Variants in EXD2 observed in about 807,000 individuals in gnomAD.
The protein encoded by EXD2 is exonuclease 3'-5' domain containing 2.
A neutral mutation model predicts 62.5 loss-of-function variants in EXD2; 40 were observed. The ratio of observed to expected loss-of-function variants is 0.64; its 90% confidence interval spans 0.50 to 0.83. The LOEUF is 0.83. EXD2 is among the 40% of genes least tolerant of loss of function. The pLI is 0.00. For missense variants in EXD2, 671 were observed against 761.8 expected, an observed-to-expected ratio of 0.88 and a Z score of 1.40; for synonymous variants, 239 against 291.9, an observed-to-expected ratio of 0.82 and a Z score of 1.85.
chr14:69,192,509 T>A (rs34007233), intron 1 of EXD2, among the ~76,000 whole-genome samples: 4,227 of 152,210 alleles, frequency 0.028, 68 homozygotes, highest in Non-Finnish European at 0.039. Flanking sequence ...AACACAGATC[T>A]TTCTTAGCTT....
intron 8 of EXD2, 94 bp from the exon 9 acceptor site, chr14:69,237,481 G>A: frequency 1.8e-6 from 2 of 1,138,694 alleles, no homozygotes; most frequent in South Asian, 2.6e-5. Flanking sequence ...GTCATGGTTA[G>A]GCCCCAGTTA....
At chr14:69,194,564 C>T (rs1185261046) in intron 1 of EXD2, among the ~76,000 whole-genome samples, 1 of 151,986 alleles carries the variant, frequency 6.6e-6, no homozygotes, top group Non-Finnish European at 1.5e-5. Flanking sequence ...TCAGGCTGGT[C>T]TCAAACTCCT....
chr14:69,240,266 G>C (rs2043937048), intron 9 of EXD2, among the ~76,000 whole-genome samples: 1 of 152,082 alleles, frequency 6.6e-6, no homozygotes, highest in Admixed American at 6.5e-5. Flanking sequence ...TAAGGACTCT[G>C]CTTAGTTAGG....
intron 3 of EXD2, 64 bp downstream of exon 3, chr14:69,209,867 C>T: frequency 1.6e-6 from 2 of 1,280,370 alleles, no homozygotes; most frequent in South Asian, 1.7e-5. Context: ...CCAACTGGGA[C>T]CTTGGACAGT....
At chr14:69,231,004 C>T (rs1479272819) in intron 5 of EXD2, among the ~76,000 whole-genome samples, 2 of 152,128 alleles carry the variant, frequency 1.3e-5, no homozygotes, top group African/African-American at 4.8e-5. Flanking sequence ...AGGCTGGTCT[C>T]GAACTTCTGA....
intron 3 of EXD2, among the ~76,000 whole-genome samples, chr14:69,212,699 A>ATT (rs71102635): frequency 1.4e-4 from 8 of 57,322 alleles, no homozygotes; most frequent in Non-Finnish European, 1.8e-4. Flanking sequence ...ATGGTTCTTG[A>ATT]TTTTTTTTTT....
Position 69,237,563 on chromosome 14 carries a change from G to T in EXD2, c.1293-12G>T. ...ACTTATGAGCGCTGCTTTCCGGCTGGGCTTGTTCCAGGAAGAACGTGATTC... is the reference window on the plus strand; with the variant it reads ...ACTTATGAGCGCTGCTTTCCGGCTGTGCTTGTTCCAGGAAGAACGTGATTC... On this transcript the variant is annotated splice_polypyrimidine_tract_variant and intron_variant, in intron 8 of 9. Transcript: ENST00000685843. 6.2e-7 allele frequency: 1 copy of T among 1,613,482 alleles called. No individual in the cohort carries two copies. Among genetic ancestry groups the T allele is most frequent in the Non-Finnish European group, 8.5e-7 (1 of 1,179,434 alleles).
intron 8 of EXD2, among the ~76,000 whole-genome samples, chr14:69,237,035 G>A (rs141567392): frequency 6.6e-6 from 1 of 152,336 alleles, no homozygotes; most frequent in African/African-American, 2.4e-5. Flanking sequence ...GGCTTCTGTG[G>A]AGTCACTCAC....
chr14:69,208,091 G>T (rs2042670592), intron 2 of EXD2, among the ~76,000 whole-genome samples: 2 of 151,392 alleles, frequency 1.3e-5, no homozygotes, highest in South Asian at 2.1e-4. Context: ...TAGAGATGGG[G>T]TTTCACCATG....
In EXD2 at chr14:69,241,129, T is replaced by A. The variant is rs1391142847; in HGVS notation, c.*29T>A. On this transcript the variant is annotated 3_prime_UTR_variant, in exon 10 of 10. Transcript: ENST00000685843. ...CTGCTTTCCTCCCAGTTAGGACAAG[T>A]GGGAAGCTGGAGCCAAGGTTGAAGA... 1 of 1,598,810 alleles carries A rather than the reference T, an allele frequency of 6.3e-7. No individual in the cohort carries two copies. The highest frequency in any genetic ancestry group is 2.3e-4 in the Middle Eastern group (1 of 4,428).
In EXD2 at chr14:69,229,055, C is replaced by A; in HGVS notation, c.573C>A (p.Tyr191Ter). ...TTAGGGGGTGCCTGGACCTCCGATA[C>A]CTAGCCATGCGGCAGAGGTGTGGTT... The part of the protein sequence containing the change: ...LVVRGCLDLR[Y>*]LAMRQRNNLL... The change falls in exon 4 of 10, where the codon TAC (tyrosine) becomes TAA (stop). Residue 191 changes from tyrosine to a stop codon, truncating the protein, a stop_gained. Transcript: ENST00000685843. LOFTEE classifies it high-confidence loss of function. 6.2e-7 allele frequency: 1 copy of A among 1,614,156 alleles called. No individual in the cohort carries two copies. The highest frequency in any genetic ancestry group is 8.5e-7 in the Non-Finnish European group (1 of 1,180,014).
intron 9 of EXD2, among the ~76,000 whole-genome samples, chr14:69,240,250 GT>G (rs946479030): frequency 1.3e-5 from 2 of 152,058 alleles, no homozygotes; most frequent in African/African-American, 4.8e-5. Flanking sequence ...CATCGGAGCA[GT>G]TTTTTAAGGA....
chr14:69,212,858 G>A (rs951868806), intron 3 of EXD2, among the ~76,000 whole-genome samples: 19 of 151,380 alleles, frequency 1.3e-4, no homozygotes, highest in East Asian at 3.9e-4. Flanking sequence ...ACAGGTGTGC[G>A]CCACCACACC....
At chr14:69,235,874 A>C in intron 6 of EXD2, 172 bp from the exon 7 acceptor site, 2 of 663,228 alleles carry the variant, frequency 3.0e-6, no homozygotes, top group South Asian at 3.3e-5. Context: ...TTCCTAGCCC[A>C]GTGCAGGTGA....
At chr14:69,237,293 G>T (rs575977188) in intron 8 of EXD2, among the ~76,000 whole-genome samples, 8 of 152,290 alleles carry the variant, frequency 5.3e-5, no homozygotes, top group African/African-American at 1.9e-4. Flanking sequence ...TGGGAGCACA[G>T]CCTTCTCAGA....
At position 69,209,484 on chromosome 14, in the gene EXD2, A is replaced by T. The variant is rs1432440130; in HGVS notation, c.14A>T (p.Asn5Ile). The T allele has an allele frequency of 2.6e-6, 4 of 1,538,974 alleles. No homozygotes were observed. Among genetic ancestry groups the T allele is most frequent in the Non-Finnish European group, 3.5e-6 (4 of 1,141,374 alleles). MSRQ[N>I]LVALTVTTLL... ...GAAAAGTCGAAGATGTCTAGACAGAACTTAGTGGCTTTGACAGTGACTACC... is the reference window on the plus strand; with the variant it reads ...GAAAAGTCGAAGATGTCTAGACAGATCTTAGTGGCTTTGACAGTGACTACC... The change falls in exon 3 of 10, where the codon AAC becomes ATC. Residue 5 changes from asparagine (N) to isoleucine (I), a missense_variant. Transcript: ENST00000685843.
At position 69,230,505 on chromosome 14, in the gene EXD2, G is replaced by A. The variant is rs35371795; in HGVS notation, c.624G>A (p.Lys208=). Residue 208 remains lysine (K), a synonymous_variant, in exon 5 of 10, where the codon AAG becomes AAA. Coordinates refer to ENST00000685843, the MANE Select transcript of EXD2 (RefSeq NM_001193360.2). ...TGCTCTGTAATGGGCTTAGCCTGAA[G>A]TCCCTCGCTGAGACTGTTTTGAACT... ...NNLLCNGLSL[K]SLAETVLNFP... 2.3e-3 allele frequency: 3,736 copies of A among 1,613,504 alleles called. 74 individuals are homozygous for A. In the African/African-American group the frequency reaches 0.046, roughly 20 times the overall value.
At chr14:69,195,834 C>T (rs991825949) in intron 1 of EXD2, among the ~76,000 whole-genome samples, 1 of 152,164 alleles carries the variant, frequency 6.6e-6, no homozygotes, top group African/African-American at 2.4e-5. Flanking sequence ...CATGCTATAG[C>T]ATGTTTCAGT....
intron 1 of EXD2, among the ~76,000 whole-genome samples, chr14:69,197,432 A>G (rs921039245): frequency 1.4e-5 from 2 of 147,694 alleles, no homozygotes; most frequent in African/African-American, 5.1e-5. Context: ...TTTTTTTTTT[A>G]TAATTTCAAC....
Sources: gnomAD v4.1 joint callset for allele counts (sites outside exome capture counted in the v4.1 genomes callset) on GRCh38, gnomAD v4.1.1 for gene constraint, MANE v1.5 for transcripts, NCBI Gene and HGNC (gene_info 2026-07-23, HGNC 2026-07-21) for gene names.